The following MYH9 variants were observed in gnomAD, a reference collection of about 807,000 sequenced individuals.
MYH9 encodes myosin-9.
A neutral mutation model predicts 241.9 loss-of-function variants in MYH9; 29 were observed. The observed-to-expected ratio is 0.12, with a 90% confidence interval of 0.09 to 0.16. The LOEUF is 0.16. MYH9 is among the 10% of genes least tolerant of loss of function. The pLI is 1.00. For synonymous variants in MYH9, 1,047 were observed against 1,062.6 expected (o/e 0.99, Z 0.29); for missense variants, 1,803 against 2,595.5 (o/e 0.69, Z 6.63).
At chr22:36,367,367 C>T (rs961731289) in intron 1 of MYH9, among the ~76,000 whole-genome samples, 3 of 152,116 alleles carry the variant, frequency 2.0e-5, no homozygotes, top group Non-Finnish European at 2.9e-5. Flanking sequence ...TCTCTCCTCC[C>T]GACATTTCCA....
chr22:36,362,966 A>G (rs2017958005), intron 1 of MYH9, among the ~76,000 whole-genome samples: 1 of 151,774 alleles, frequency 6.6e-6, no homozygotes, highest in African/African-American at 2.4e-5. Context: ...CTTTCCAGCC[A>G]CACCTCTCTT....
intron 13 of MYH9, among the ~76,000 whole-genome samples, chr22:36,312,503 C>T (rs980835480): frequency 3.9e-5 from 6 of 152,282 alleles, no homozygotes; most frequent in Middle Eastern, 3.4e-3. Context: ...TCCGCTGACC[C>T]GCGGGGCCAG....
chr22:36,332,921 A>C (rs943537844), intron 3 of MYH9, among the ~76,000 whole-genome samples: 9 of 152,194 alleles, frequency 5.9e-5, no homozygotes, highest in Non-Finnish European at 1.2e-4. Flanking sequence ...AGGGAAATTC[A>C]AAACCACATA....
chr22:36,354,152 T>C (rs1453813471), intron 1 of MYH9, among the ~76,000 whole-genome samples: 3 of 152,152 alleles, frequency 2.0e-5, no homozygotes, highest in Non-Finnish European at 4.4e-5. Context: ...TCTGCCTGCC[T>C]TGGCCTCCCA....
rs532349510 is a variant in MYH9 at position 36,308,800 on chromosome 22, C to T, written c.1843+482G>A. The T allele has an allele frequency of 7.1e-6, 7 of 984,632 alleles. No individual in the cohort carries two copies. In the East Asian group the frequency reaches 6.8e-4, roughly 96 times the overall value. 61.0% of individuals were successfully genotyped at this position (984,632 alleles called of 1,614,324 possible). A position where few individuals can be genotyped will look rare whatever the true frequency, so the allele number is the denominator to read the frequency against. On this transcript the variant is annotated intron_variant, in intron 15 of 40. Transcript: ENST00000216181. The stretch of plus-strand genomic sequence containing the variant: ...CACACAAGAGACACCACTCGGGCGG[C>T]CAGTCACCTGGTTCTAGGTGGAGAA...
rs2016947299 is a variant in MYH9, at chr22:36,305,066, A to C, written c.2196T>G (p.Gly732=). 6.2e-7 allele frequency: 1 copy of C among 1,613,936 alleles called. No homozygotes were observed. The highest frequency in any genetic ancestry group is 8.5e-7 in the Non-Finnish European group (1 of 1,179,970). Residue 732 remains glycine (G), a synonymous_variant, in exon 18 of 41, where the codon GGT becomes GGG. Coordinates refer to ENST00000216181, the MANE Select transcript of MYH9 (RefSeq NM_002473.6). The surrounding 1 kb of genome is among the most constrained non-coding windows in gnomAD (Gnocchi z 4.7). ...EILTPNSIPK[G]FMDGKQACVL... ...CGCACGCCTGCTTCCCGTCCATGAAACCCTTGGGAATGGAGTTTGGAGTCA... is the reference window on the plus strand; with the variant it reads ...CGCACGCCTGCTTCCCGTCCATGAACCCCTTGGGAATGGAGTTTGGAGTCA...
intron 1 of MYH9, among the ~76,000 whole-genome samples, chr22:36,356,669 T>C (rs936937937): frequency 6.6e-6 from 1 of 151,880 alleles, no homozygotes; most frequent in Non-Finnish European, 1.5e-5. Flanking sequence ...GATTCACTTA[T>C]TCAATCAACT....
intron 14 of MYH9, among the ~76,000 whole-genome samples, chr22:36,310,013 G>A (rs566473541): frequency 6.6e-6 from 1 of 152,234 alleles, no homozygotes; most frequent in East Asian, 1.9e-4. Context: ...ACTTTGGGAG[G>A]CCAAGGCGGG....
intron 3 of MYH9, among the ~76,000 whole-genome samples, chr22:36,338,080 C>T (rs1252489038): frequency 6.6e-6 from 1 of 151,978 alleles, no homozygotes; most frequent in Admixed American, 6.6e-5. Context: ...TCACTGCAAC[C>T]TCCGCCGCCC....
chr22:36,373,539 C>CGGCTGGAATT (rs1263429377), intron 1 of MYH9, among the ~76,000 whole-genome samples: 1 of 152,190 alleles, frequency 6.6e-6, no homozygotes, highest in East Asian at 1.9e-4. Context: ...TGTTTTCCAT[C>CGGCTGGAATT]GGCTGGAATT....
intron 2 of MYH9, among the ~76,000 whole-genome samples, chr22:36,345,887 G>A (rs899518260): frequency 6.6e-6 from 1 of 152,172 alleles, no homozygotes; most frequent in Admixed American, 6.5e-5. Flanking sequence ...GGTGGCTCAC[G>A]CCTGTAATCC....
chr22:36,379,577 G>A (rs2018223731), intron 1 of MYH9, among the ~76,000 whole-genome samples: 1 of 152,336 alleles, frequency 6.6e-6, no homozygotes, highest in Admixed American at 6.5e-5. Flanking sequence ...ACCTCCCTGA[G>A]AAGCCCCTTT....
intron 5 of MYH9, 60 bp from the exon 6 acceptor site, chr22:36,322,581 C>A (rs1381417186): frequency 1.4e-5 from 22 of 1,544,876 alleles, no homozygotes; most frequent in Admixed American, 3.3e-5. Context: ...CCGAGCCTGC[C>A]CTGCCTGGAA....
Position 36,309,978 on chromosome 22 carries a change from G to A in MYH9, c.1729-582C>T, listed in dbSNP as rs112768888. Reference sequence around the variant, plus strand: ...TTAAATAGAGATAGGGGCTGGGTGCGGTGGCTCATGCCTGTAATCCCAGCA... The same window carrying A: ...TTAAATAGAGATAGGGGCTGGGTGCAGTGGCTCATGCCTGTAATCCCAGCA... On this transcript the variant is annotated intron_variant, in intron 14 of 40. Coordinates refer to ENST00000216181, the MANE Select transcript of MYH9 (RefSeq NM_002473.6). 3.9e-5 allele frequency among the ~76,000 whole-genome samples: 6 copies of A among 152,216 alleles called. No individual in the cohort carries two copies. In the South Asian group the frequency reaches 8.3e-4, roughly 21 times the overall value.
chr22:36,358,019 G>C (rs114370589), intron 1 of MYH9, among the ~76,000 whole-genome samples: 1 of 152,176 alleles, frequency 6.6e-6, no homozygotes, highest in East Asian at 1.9e-4. Flanking sequence ...GATGATTAAC[G>C]GAAGACAAGC....
rs536820475 is a variant in MYH9, at chr22:36,303,382, C to T, written c.2390+613G>A. Among the ~76,000 whole-genome samples the T allele has an allele frequency of 5.3e-5, 8 of 151,790 alleles. No homozygotes were observed. In the East Asian group the frequency reaches 1.2e-3, roughly 22 times the overall value. On this transcript the variant is annotated intron_variant, in intron 19 of 40. Transcript: ENST00000216181. ...GGACAGGCAGGCTCTGGGTGCTGTC[C>T]CCACAAGGGTCACACGGTAAGGAGT...
rs201827299 is a variant in MYH9, at chr22:36,312,199, G to A, written c.1578C>T (p.Ala526=). 1 of 1,614,042 alleles carries A rather than the reference G, an allele frequency of 6.2e-7. No individual in the cohort carries two copies. Among genetic ancestry groups the A allele is most frequent in the Non-Finnish European group, 8.5e-7 (1 of 1,180,038 alleles). The change falls in exon 14 of 41, where the codon GCC becomes GCT. Residue 526 remains alanine (A), a synonymous_variant. Coordinates refer to ENST00000216181, the MANE Select transcript of MYH9 (RefSeq NM_002473.6). ...GGAACCAGCACTCCTCGTCCAGCAG[G>A]GCCAGAATGCCCGGGGGGCCTGCCT... ...EKPAGPPGIL[A]LLDEECWFPK...
chr22:36,362,008 G>A (rs986178276), intron 1 of MYH9, among the ~76,000 whole-genome samples: 6 of 152,170 alleles, frequency 3.9e-5, no homozygotes, highest in Non-Finnish European at 8.8e-5. Context: ...GGCAGAGGTT[G>A]CAGTGAGCCG....
chr22:36,335,547 T>C (rs1184951055), intron 3 of MYH9, among the ~76,000 whole-genome samples: 6 of 152,166 alleles, frequency 3.9e-5, no homozygotes, highest in African/African-American at 1.4e-4. Flanking sequence ...CCTTGAAGCT[T>C]TTTCCTGAGC....
Sources: gnomAD v4.1 joint callset for allele counts (sites outside exome capture counted in the v4.1 genomes callset) on GRCh38, gnomAD v4.1.1 for gene constraint, Gnocchi (gnomAD v3.1) non-coding constraint, MANE v1.5 for transcripts, NCBI Gene and HGNC (gene_info 2026-07-23, HGNC 2026-07-21) for gene names.